BCAS3: variants seen among roughly 807,000 people sequenced by gnomAD.
The protein encoded by BCAS3 is BCAS4/BCAS3 fusion.
A neutral mutation model predicts 116.1 loss-of-function variants in BCAS3; 53 were observed. The observed-to-expected ratio is 0.46, with a 90% CI of 0.37 to 0.57. The LOEUF (loss-of-function observed/expected upper bound fraction) is 0.57. Ranked by LOEUF, BCAS3 falls within the 20% of genes least tolerant of loss-of-function variation. The pLI is 0.00. For missense variants in BCAS3, 917 were observed against 1,165.4 expected, an observed-to-expected ratio of 0.79 and a Z score of 3.10; for synonymous variants, 391 against 408.2, an observed-to-expected ratio of 0.96 and a Z score of 0.51.
In BCAS3 at chr17:61,325,230, G is replaced by A. The variant is rs1043620213; in HGVS notation, c.2426-43097G>A. Among the ~76,000 whole-genome samples, 1 of 152,106 alleles carries A rather than the reference G, an allele frequency of 6.6e-6. No individual in the cohort carries two copies. The highest frequency in any genetic ancestry group is 2.4e-5 in the African/African-American group (1 of 41,400). ...ACTTACATTATGAAGTGACAGAATC[G>A]CACTTGTGTGGCTGATAGAGACCAT... On this transcript the variant is annotated intron_variant, in intron 22 of 23. Transcript: ENST00000407086. The surrounding 1 kb of genome is among the most constrained non-coding windows in gnomAD (Gnocchi z 6.4).
Position 61,063,530 on chromosome 17 carries a change from G to A in BCAS3, c.2030-11390G>A, listed in dbSNP as rs965066153. Among the ~76,000 whole-genome samples, 1 of 152,124 alleles carries A rather than the reference G, an allele frequency of 6.6e-6. No homozygotes were observed. Among genetic ancestry groups the A allele is most frequent in the African/African-American group, 2.4e-5 (1 of 41,416 alleles). On this transcript the variant is annotated intron_variant, in intron 19 of 23. Coordinates refer to ENST00000407086, the MANE Select transcript of BCAS3 (RefSeq NM_017679.5). The surrounding 1 kb of genome is among the most constrained non-coding windows in gnomAD (Gnocchi z 5.3). ...TGATCCGCCACCTCGGCCTCCCAAA[G>A]TGCTGGGATTACAGGCATGAGCCAC...
At chr17:61,218,007 A>G in intron 22 of BCAS3, among the ~76,000 whole-genome samples, 1 of 152,144 alleles carries the variant, frequency 6.6e-6, no homozygotes, top group East Asian at 1.9e-4. Context: ...GACCTTCTCC[A>G]AGTAGCTCTC....
chr17:60,922,189 C>T (rs1018866959), intron 12 of BCAS3, among the ~76,000 whole-genome samples: 13 of 152,028 alleles, frequency 8.6e-5, no homozygotes, highest in Admixed American at 1.3e-4. Context: ...TGCAATGGCA[C>T]GATCTCAGCT....
rs1377983467 is a variant in BCAS3, at chr17:61,363,949, A to C, written c.2426-4378A>C. 1.3e-5 allele frequency among the ~76,000 whole-genome samples: 2 copies of C among 152,298 alleles called. No homozygotes were observed. The highest frequency in any genetic ancestry group is 1.3e-4 in the Admixed American group (2 of 15,304). On this transcript the variant is annotated intron_variant, in intron 22 of 23. Coordinates refer to ENST00000407086, the MANE Select transcript of BCAS3 (RefSeq NM_017679.5). This position sits in a 1 kb window ranked among gnomAD's most constrained non-coding sequence, Gnocchi z 4.9. The stretch of plus-strand genomic sequence containing the variant: ...TCCAAGGGCTTGGCCTCTTCACCCC[A>C]GTGCCTGCTGAAACACACCTGCAGC...
At chr17:60,699,608 A>G (rs2036114522) in intron 4 of BCAS3, among the ~76,000 whole-genome samples, 1 of 152,206 alleles carries the variant, frequency 6.6e-6, no homozygotes, top group Non-Finnish European at 1.5e-5. Context: ...ATATGGAATC[A>G]TGTACTATTA....
At chr17:60,799,493 A>G (rs1040529833) in intron 6 of BCAS3, among the ~76,000 whole-genome samples, 4 of 150,238 alleles carry the variant, frequency 2.7e-5, no homozygotes, top group African/African-American at 9.9e-5. Context: ...GTAGAATTAT[A>G]CAATATGTAA....
chr17:60,983,278 T>C (rs2062923583), intron 14 of BCAS3, among the ~76,000 whole-genome samples: 1 of 152,132 alleles, frequency 6.6e-6, no homozygotes, highest in Non-Finnish European at 1.5e-5. Context: ...ATAATTGAGG[T>C]CCAAAAATCA....
intron 14 of BCAS3, 145 bp downstream of exon 14, chr17:60,947,497 G>A: frequency 1.1e-6 from 1 of 886,876 alleles, no homozygotes. Context: ...GATAAATAGG[G>A]AAAAATTCCG....
chr17:60,972,591 A>G (rs534972794), intron 14 of BCAS3, among the ~76,000 whole-genome samples: 1 of 151,802 alleles, frequency 6.6e-6, no homozygotes, highest in South Asian at 2.1e-4. Flanking sequence ...GGGACTACAT[A>G]CAGTTGCATA....
At chr17:60,974,572 G>A (rs953597744) in intron 14 of BCAS3, among the ~76,000 whole-genome samples, 2 of 152,208 alleles carry the variant, frequency 1.3e-5, no homozygotes, top group Admixed American at 6.5e-5. Context: ...ACTACAGTAC[G>A]TTTTAAAGAA....
At chr17:61,221,836 C>T (rs545945331) in intron 22 of BCAS3, among the ~76,000 whole-genome samples, 6 of 152,290 alleles carry the variant, frequency 3.9e-5, no homozygotes, top group Admixed American at 3.9e-4. Context: ...TAGCGTTACC[C>T]GGAATGCTAA....
At chr17:60,826,344 C>A (rs1476797140) in intron 7 of BCAS3, among the ~76,000 whole-genome samples, 1 of 152,042 alleles carries the variant, frequency 6.6e-6, no homozygotes, top group Non-Finnish European at 1.5e-5. Context: ...CCACCATGTG[C>A]AGCTAATTTT....
At chr17:61,223,829 T>A (rs945778218) in intron 22 of BCAS3, among the ~76,000 whole-genome samples, 2 of 152,234 alleles carry the variant, frequency 1.3e-5, no homozygotes, top group Admixed American at 6.5e-5. Context: ...AATGAAACAC[T>A]CAGCTCAAGT....
intron 19 of BCAS3, among the ~76,000 whole-genome samples, chr17:61,046,023 T>TTA (rs1191102224): frequency 2.6e-4 from 3 of 11,430 alleles, no homozygotes; most frequent in African/African-American, 2.5e-3. Flanking sequence ...TATATATATA[T>TTA]TATATATATA....
intron 22 of BCAS3, among the ~76,000 whole-genome samples, chr17:61,172,338 TAA>T (rs2078883993): frequency 6.6e-6 from 1 of 152,200 alleles, no homozygotes; most frequent in Non-Finnish European, 1.5e-5. Flanking sequence ...CTATTTACTA[TAA>T]TAATTCATAT....
intron 7 of BCAS3, among the ~76,000 whole-genome samples, chr17:60,835,449 A>T (rs560952607): frequency 6.6e-6 from 1 of 152,196 alleles, no homozygotes; most frequent in East Asian, 1.9e-4. Flanking sequence ...CTTCATCTAT[A>T]AATAGATTTC....
chr17:61,037,407 A>G lies in BCAS3; in HGVS notation c.1763-482A>G, dbSNP rs903425809. Among the ~76,000 whole-genome samples the G allele has an allele frequency of 6.6e-6, 1 of 152,232 alleles. No individual in the cohort carries two copies. Among genetic ancestry groups the G allele is most frequent in the African/African-American group, 2.4e-5 (1 of 41,464 alleles). On this transcript the variant is annotated intron_variant, in intron 17 of 23. Coordinates refer to ENST00000407086, the MANE Select transcript of BCAS3 (RefSeq NM_017679.5). This position sits in a 1 kb window ranked among gnomAD's most constrained non-coding sequence, Gnocchi z 4.7. ...AAGATTGAAAATACTCTGATATCATAGACATTTTCATATTCACTAGCATGT... is the reference window on the plus strand; with the variant it reads ...AAGATTGAAAATACTCTGATATCATGGACATTTTCATATTCACTAGCATGT...
Position 61,323,137 on chromosome 17 carries a change from C to T in BCAS3, c.2426-45190C>T, listed in dbSNP as rs1054236635. ...TGGATTTAGCATCACACGGGGAATT[C>T]GCTGTAACCCAGCCATCTTTTAGGC... On this transcript the variant is annotated intron_variant, in intron 22 of 23. Coordinates refer to ENST00000407086, the MANE Select transcript of BCAS3 (RefSeq NM_017679.5). The surrounding 1 kb of genome is among the most constrained non-coding windows in gnomAD (Gnocchi z 4.6). 3.3e-5 allele frequency among the ~76,000 whole-genome samples: 5 copies of T among 152,024 alleles called. No homozygotes were observed. Among genetic ancestry groups the T allele is most frequent in the African/African-American group, 7.2e-5 (3 of 41,388 alleles).
rs940079225 is a variant in BCAS3, at chr17:60,954,916, A to G, written c.1221+7564A>G. Among the ~76,000 whole-genome samples the G allele has an allele frequency of 6.6e-5, 10 of 152,268 alleles. No homozygotes were observed. The East Asian group carries it at 1.9e-3, about 29-fold the overall frequency. On this transcript the variant is annotated intron_variant, in intron 14 of 23. Coordinates refer to ENST00000407086, the MANE Select transcript of BCAS3 (RefSeq NM_017679.5). ...TTCATTTTAGAAGTATATTCATTGG[A>G]TCATGATTTATATTTTTCATTCATG...
Sources: gnomAD v4.1 joint callset for allele counts (sites outside exome capture counted in the v4.1 genomes callset) on GRCh38, gnomAD v4.1.1 for gene constraint, Gnocchi (gnomAD v3.1) non-coding constraint, MANE v1.5 for transcripts, NCBI Gene and HGNC (gene_info 2026-07-23, HGNC 2026-07-21) for gene names.